XIRP2: variants seen among roughly 807,000 people sequenced by gnomAD.
XIRP2 encodes xin actin binding repeat containing 2.
In XIRP2, 236 loss-of-function variants were observed where a neutral mutation model predicts 277.0. That is an observed-to-expected ratio of 0.85 (90% CI 0.77 to 0.95). The LOEUF is 0.95. Ranked by LOEUF, XIRP2 falls within the 40% of genes least tolerant of loss-of-function variation. The pLI is 0.00. For missense variants in XIRP2, 4,640 were observed against 4,157.5 expected (o/e 1.12, Z -3.19); for synonymous variants, 1,490 against 1,416.5 (o/e 1.05, Z -1.17).
At chr2:166,947,309 T>C (rs1685902105) in intron 2 of XIRP2, among the ~76,000 whole-genome samples, 2 of 152,140 alleles carry the variant, frequency 1.3e-5, no homozygotes. Flanking sequence ...CCATTTATTT[T>C]CATGAAAGTC....
intron 2 of XIRP2, among the ~76,000 whole-genome samples, chr2:167,108,034 C>T (rs1209008567): frequency 2.0e-5 from 3 of 151,544 alleles, no homozygotes; most frequent in Non-Finnish European, 4.4e-5. Flanking sequence ...TTTCTTAATA[C>T]TTATGGAGTT....
At chr2:166,959,371 C>T (rs942205925) in intron 2 of XIRP2, among the ~76,000 whole-genome samples, 1 of 151,802 alleles carries the variant, frequency 6.6e-6, no homozygotes, top group African/African-American at 2.4e-5. Context: ...TGAGGCTTTA[C>T]TATGCAGTTC....
chr2:166,919,656 G>A (rs1684984650), intron 2 of XIRP2, among the ~76,000 whole-genome samples: 1 of 151,976 alleles, frequency 6.6e-6, no homozygotes, highest in Non-Finnish European at 1.5e-5. Flanking sequence ...TATTTTGAAT[G>A]TTAGAAGCAA....
intron 2 of XIRP2, among the ~76,000 whole-genome samples, chr2:167,026,078 G>A (rs1347168365): frequency 6.6e-6 from 1 of 152,104 alleles, no homozygotes; most frequent in Admixed American, 6.6e-5. Flanking sequence ...CATTATTATT[G>A]TGTGGGAGTC....
chr2:167,183,977 C>T (rs1203853581), intron 3 of XIRP2, among the ~76,000 whole-genome samples: 4 of 152,154 alleles, frequency 2.6e-5, no homozygotes, highest in Non-Finnish European at 4.4e-5. Flanking sequence ...TTCTCCTCAA[C>T]ATGGAGTCTG....
intron 3 of XIRP2, among the ~76,000 whole-genome samples, chr2:167,143,013 G>A (rs1335765518): frequency 1.3e-5 from 2 of 152,106 alleles, no homozygotes; most frequent in African/African-American, 2.4e-5. Context: ...AGGAAGAGAA[G>A]TGGGAAAAAT....
chr2:167,128,412 G>A (rs182773450), intron 2 of XIRP2, among the ~76,000 whole-genome samples: 1 of 152,044 alleles, frequency 6.6e-6, no homozygotes, highest in Non-Finnish European at 1.5e-5. Context: ...CACAGGTTCC[G>A]TATCTGCAAC....
At chr2:167,253,094 A>G (rs756473027) in intron 9 of XIRP2, among the ~76,000 whole-genome samples, 2 of 151,946 alleles carry the variant, frequency 1.3e-5, no homozygotes, top group African/African-American at 2.4e-5. Context: ...TAAAGTAGAT[A>G]TAATTATTTG....
intron 2 of XIRP2, among the ~76,000 whole-genome samples, chr2:166,905,540 A>G (rs1169144859): frequency 1.3e-5 from 2 of 151,952 alleles, no homozygotes; most frequent in Non-Finnish European, 2.9e-5. Flanking sequence ...TAAAACCACC[A>G]TTTGCCTTGT....
chr2:167,151,654 T>C (rs1394324255), intron 3 of XIRP2, among the ~76,000 whole-genome samples: 1 of 152,190 alleles, frequency 6.6e-6, no homozygotes, highest in African/African-American at 2.4e-5. Context: ...AGTATGATTA[T>C]TAAAATGCAG....
intron 3 of XIRP2, among the ~76,000 whole-genome samples, chr2:167,201,141 A>G (rs1206579859): frequency 1.3e-5 from 2 of 149,820 alleles, no homozygotes; most frequent in Non-Finnish European, 3.0e-5. Context: ...AGAGAGAGAG[A>G]GAGGGAGGGA....
intron 2 of XIRP2, among the ~76,000 whole-genome samples, chr2:167,041,030 G>T (rs1688647321): frequency 6.6e-6 from 1 of 152,160 alleles, no homozygotes; most frequent in African/African-American, 2.4e-5. Context: ...GTTGCCAGCA[G>T]ATCAGGAACT....
intron 2 of XIRP2, among the ~76,000 whole-genome samples, chr2:166,972,364 T>A (rs1050876362): frequency 1.3e-5 from 2 of 152,166 alleles, no homozygotes; most frequent in Non-Finnish European, 2.9e-5. Context: ...GATAGGAATA[T>A]CTTCATAAGT....
chr2:167,220,407 C>T (rs1010489702), intron 5 of XIRP2, among the ~76,000 whole-genome samples: 2 of 152,114 alleles, frequency 1.3e-5, no homozygotes, highest in African/African-American at 4.8e-5. Flanking sequence ...CAGTATCCAC[C>T]CCATGGATTT....
chr2:166,905,237 A>G (rs908456658), intron 2 of XIRP2, among the ~76,000 whole-genome samples: 2 of 152,174 alleles, frequency 1.3e-5, no homozygotes, highest in Non-Finnish European at 2.9e-5. Flanking sequence ...TAAGAAAAGT[A>G]AAGCCACAGA....
intron 2 of XIRP2, among the ~76,000 whole-genome samples, chr2:167,054,435 G>A (rs912719471): frequency 1.2e-4 from 19 of 152,178 alleles, no homozygotes; most frequent in African/African-American, 4.6e-4. Context: ...TGTAATCCCA[G>A]CACTTTGGGA....
chr2:166,928,088 G>C (rs1511210), intron 2 of XIRP2, among the ~76,000 whole-genome samples: 47,019 of 151,968 alleles, frequency 0.31, 7,874 homozygotes, highest in East Asian at 0.53. Context: ...AAAGAGTTCC[G>C]TCATTTTACA....
At chr2:166,927,770 A>G (rs964519408) in intron 2 of XIRP2, among the ~76,000 whole-genome samples, 1 of 152,138 alleles carries the variant, frequency 6.6e-6, no homozygotes. Context: ...GGAATAGGAC[A>G]TGGGCATCCT....
intron 2 of XIRP2, among the ~76,000 whole-genome samples, chr2:166,916,760 A>C (rs151323774): frequency 2.0e-4 from 30 of 152,334 alleles, no homozygotes; most frequent in Admixed American, 9.8e-4. Context: ...ATGAGAACTT[A>C]ACATTTGATG....
Sources: gnomAD v4.1 joint callset for allele counts (sites outside exome capture counted in the v4.1 genomes callset) on GRCh38, gnomAD v4.1.1 for gene constraint, MANE v1.5 for transcripts, NCBI Gene and HGNC (gene_info 2026-07-23, HGNC 2026-07-21) for gene names.